INTU: variants seen among roughly 807,000 people sequenced by gnomAD.
INTU encodes the protein protein inturned.
INTU carries 68 observed loss-of-function variants against 100.5 expected under a neutral mutation model. The ratio of observed to expected loss-of-function variants is 0.68; its 90% CI spans 0.56 to 0.83. The LOEUF is 0.83. Ranked by LOEUF, INTU falls within the 40% of genes least tolerant of loss-of-function variation. INTU has a pLI of 0.00. For synonymous variants in INTU, 357 were observed against 395.7 expected (o/e 0.90, Z 1.16); for missense variants, 1,071 against 1,114.7 (o/e 0.96, Z 0.56).
chr4:127,680,986 T>A (rs1729512378), intron 6 of INTU, among the ~76,000 whole-genome samples: 1 of 151,838 alleles, frequency 6.6e-6, no homozygotes, highest in South Asian at 2.1e-4. Context: ...AAATCATGAG[T>A]GAACTCCCAT....
At chr4:127,678,442 A>G (rs530626149) in intron 6 of INTU, among the ~76,000 whole-genome samples, 95 of 152,338 alleles carry the variant, frequency 6.2e-4, no homozygotes, top group African/African-American at 2.2e-3. Flanking sequence ...CTGGGGGCCA[A>G]TATTCAACAT....
intron 6 of INTU, among the ~76,000 whole-genome samples, chr4:127,676,352 A>G (rs1449757908): frequency 6.6e-6 from 1 of 152,048 alleles, no homozygotes; most frequent in Non-Finnish European, 1.5e-5. Flanking sequence ...TTGGGAGGCC[A>G]AGGCTGGCGG....
At chr4:127,712,121 G>C (rs1731117426) in intron 14 of INTU, among the ~76,000 whole-genome samples, 1 of 152,166 alleles carries the variant, frequency 6.6e-6, no homozygotes, top group Non-Finnish European at 1.5e-5. Context: ...AATTTGTGAA[G>C]AACTTGGGTT....
At chr4:127,695,106 A>G (rs745624758) in intron 8 of INTU, among the ~76,000 whole-genome samples, 1 of 152,202 alleles carries the variant, frequency 6.6e-6, no homozygotes, top group Non-Finnish European at 1.5e-5. Context: ...GAGTCTTCCT[A>G]TCCATGAACA....
At chr4:127,633,620 A>AT (rs995522620) in intron 1 of INTU, among the ~76,000 whole-genome samples, 19 of 152,012 alleles carry the variant, frequency 1.2e-4, no homozygotes, top group Admixed American at 8.5e-4. Context: ...ATTTATGTAG[A>AT]TTTTTTCTGT....
At position 127,640,590 on chromosome 4, in the gene INTU, T is replaced by C. The variant is rs1425739294; in HGVS notation, c.147-2931T>C. ...ATATATATATATATATATATATATATACATATACATAAACACACATGTGTA... is the reference window on the plus strand; with the variant it reads ...ATATATATATATATATATATATATACACATATACATAAACACACATGTGTA... On this transcript the variant is annotated intron_variant, in intron 1 of 15. Coordinates refer to ENST00000335251, the MANE Select transcript of INTU (RefSeq NM_015693.4). 3.2e-3 allele frequency among the ~76,000 whole-genome samples: 76 copies of C among 23,948 alleles called. 3 individuals carry two copies. The highest frequency in any genetic ancestry group is 0.015 in the South Asian group (8 of 546). The allele number at this position is 23,948 out of a possible 152,430, so 15.7% of individuals were successfully genotyped here.
At chr4:127,642,026 AT>A (rs1056770887) in intron 1 of INTU, among the ~76,000 whole-genome samples, 1 of 151,762 alleles carries the variant, frequency 6.6e-6, no homozygotes, top group Non-Finnish European at 1.5e-5. Context: ...ATATATATAT[AT>A]TTTTTAAATT....
chr4:127,640,245 A>G (rs1727250667), intron 1 of INTU, among the ~76,000 whole-genome samples: 3 of 152,052 alleles, frequency 2.0e-5, no homozygotes, highest in Admixed American at 2.0e-4. Context: ...GAGGAAAACT[A>G]AAGCAATCAG....
intron 1 of INTU, among the ~76,000 whole-genome samples, chr4:127,640,139 T>A (rs946462960): frequency 3.3e-5 from 5 of 152,112 alleles, no homozygotes; most frequent in Non-Finnish European, 1.5e-5. Flanking sequence ...GGAAGGGAAC[T>A]GATATTTATT....
chr4:127,641,738 C>T (rs906057324), intron 1 of INTU, among the ~76,000 whole-genome samples: 4 of 152,112 alleles, frequency 2.6e-5, no homozygotes, highest in African/African-American at 7.2e-5. Flanking sequence ...CTGACATTCT[C>T]GTCATTATAA....
chr4:127,707,013 C>T, intron 12 of INTU, 44 bp downstream of exon 12: 1 of 1,545,646 alleles, frequency 6.5e-7, no homozygotes, highest in Non-Finnish European at 8.7e-7. Flanking sequence ...GCTAAGTTGT[C>T]TCTCCAGTCC....
chr4:127,675,928 A>G (rs1729154321), intron 6 of INTU: 1 of 328,506 alleles, frequency 3.0e-6, no homozygotes, highest in Non-Finnish European at 6.5e-6. Context: ...AGCTCAGCCC[A>G]CACTCATGGG....
intron 2 of INTU, among the ~76,000 whole-genome samples, chr4:127,655,513 G>T (rs1296638749): frequency 1.3e-5 from 2 of 151,650 alleles, no homozygotes; most frequent in Admixed American, 1.3e-4. Context: ...CTGCTGGGGG[G>T]TGCCTCCCAG....
intron 1 of INTU, among the ~76,000 whole-genome samples, chr4:127,641,328 G>C (rs1578524905): frequency 6.6e-6 from 1 of 152,078 alleles, no homozygotes; most frequent in African/African-American, 2.4e-5. Context: ...AAAAAGCCTG[G>C]CAAAACTAGG....
rs2148747300 is a variant in INTU, at chr4:127,725,059, G to T, written c.*8623G>T. 6.6e-6 allele frequency: 1 copy of T among 151,486 alleles called. No individual in the cohort carries two copies. Among genetic ancestry groups the T allele is most frequent in the African/African-American group, 2.4e-5 (1 of 41,204 alleles). 9.4% of individuals were successfully genotyped at this position (151,486 alleles called of 1,614,324 possible). A position where few individuals can be genotyped will look rare whatever the true frequency, so the allele number is the denominator to read the frequency against. On this transcript the variant is annotated 3_prime_UTR_variant, in exon 16 of 16. Coordinates refer to ENST00000335251, the MANE Select transcript of INTU (RefSeq NM_015693.4). The stretch of plus-strand genomic sequence containing the variant: ...CCAGCACTTTGGAAGGCTGAGGCAG[G>T]CAGATCACTTGAGGTCAGGCGTTTG...
At chr4:127,640,356 G>A (rs1428512818) in intron 1 of INTU, among the ~76,000 whole-genome samples, 2 of 151,472 alleles carry the variant, frequency 1.3e-5, no homozygotes, top group Non-Finnish European at 2.9e-5. Context: ...GCCCTTCTGT[G>A]TGGGGGTCTC....
chr4:127,639,479 G>A (rs1371150229), intron 1 of INTU, among the ~76,000 whole-genome samples: 1 of 152,126 alleles, frequency 6.6e-6, no homozygotes, highest in East Asian at 1.9e-4. Context: ...TAGGGAAGTT[G>A]TAGTGAAAGG....
intron 2 of INTU, among the ~76,000 whole-genome samples, chr4:127,655,270 C>T (rs1372924715): frequency 1.3e-5 from 2 of 152,212 alleles, no homozygotes; most frequent in Non-Finnish European, 2.9e-5. Context: ...TGGTGAGGAA[C>T]TGCGTTCCGT....
chr4:127,713,337 G>A (rs1731157025), intron 14 of INTU, among the ~76,000 whole-genome samples: 2 of 151,986 alleles, frequency 1.3e-5, no homozygotes. Context: ...AAGCTATGAA[G>A]GAAAGAAAAG....
Sources: allele counts gnomAD v4.1 joint callset (sites outside exome capture counted in the v4.1 genomes callset), GRCh38; gene constraint gnomAD v4.1.1; transcripts MANE v1.5; gene names NCBI Gene and HGNC (gene_info 2026-07-23, HGNC 2026-07-21).